The following RBMS1 variants were observed in gnomAD, a reference collection of about 807,000 sequenced individuals.
RBMS1 encodes the protein RNA binding motif single stranded interacting protein 1.
In RBMS1, 17 loss-of-function variants were observed where a neutral mutation model predicts 62.3. That is an observed-to-expected ratio of 0.27 (90% CI 0.19 to 0.41). RBMS1 has a LOEUF of 0.41. RBMS1 is among the 10% of genes least tolerant of loss of function. The probability of loss-of-function intolerance (pLI) is 1.00; values close to 1 mark genes in which losing one functional copy is unlikely to be tolerated. For synonymous variants in RBMS1, 172 were observed against 170.0 expected (o/e 1.01, Z -0.09); for missense variants, 334 against 504.5 (o/e 0.66, Z 3.24).
chr2:160,277,201 T>G (rs1272900602), intron 12 of RBMS1, 102 bp downstream of exon 12: 2 of 1,087,814 alleles, frequency 1.8e-6, no homozygotes, highest in Non-Finnish European at 2.8e-6. Context: ...CAATTCTTTA[T>G]GCAAATATTT....
chr2:160,392,539 T>C (rs1254053009), intron 1 of RBMS1, among the ~76,000 whole-genome samples: 1 of 152,168 alleles, frequency 6.6e-6, no homozygotes, highest in African/African-American at 2.4e-5. Flanking sequence ...CTTTATTGCT[T>C]GTTTCTCTCG....
intron 2 of RBMS1, among the ~76,000 whole-genome samples, chr2:160,323,604 T>C (rs1690705058): frequency 7.9e-6 from 1 of 126,272 alleles, no homozygotes; most frequent in Non-Finnish European, 1.6e-5. Context: ...ATGTAGAATT[T>C]CATGAAAGAA....
At chr2:160,428,877 C>T (rs28556715) in intron 1 of RBMS1, among the ~76,000 whole-genome samples, 32,977 of 152,028 alleles carry the variant, frequency 0.22, 3,918 homozygotes, top group African/African-American at 0.31. Flanking sequence ...TTTTGTATGG[C>T]GTAATGGTGA....
At chr2:160,493,013 C>G in intron 1 of RBMS1, 1 of 390,472 alleles carries the variant, frequency 2.6e-6, no homozygotes, top group Admixed American at 4.7e-5. Context: ...ACGACCCTCC[C>G]CGCTGGCCGG....
chr2:160,377,539 T>TAA (rs1253465604), intron 1 of RBMS1, among the ~76,000 whole-genome samples: 1 of 152,200 alleles, frequency 6.6e-6, no homozygotes, highest in Non-Finnish European at 1.5e-5. Flanking sequence ...CTTCCAGCTT[T>TAA]AAGGAGGAGC....
intron 1 of RBMS1, among the ~76,000 whole-genome samples, chr2:160,474,358 G>A (rs774099815): frequency 1.2e-4 from 18 of 152,276 alleles, no homozygotes; most frequent in Admixed American, 2.6e-4. Context: ...ATGAACAAGC[G>A]TACAATAGCT....
chr2:160,333,762 A>G (rs1691414193), intron 2 of RBMS1, among the ~76,000 whole-genome samples: 1 of 152,158 alleles, frequency 6.6e-6, no homozygotes, highest in African/African-American at 2.4e-5. Flanking sequence ...TGAAAAATCA[A>G]ATTTCCTTCT....
At position 160,451,166 on chromosome 2, in the gene RBMS1, A is replaced by AAAAAAAT. The variant is rs985879438; in HGVS notation, c.75+42122_75+42123insATTTTTT. Among the ~76,000 whole-genome samples, 28 of 150,488 alleles carry AAAAAAAT rather than the reference A, an allele frequency of 1.9e-4. 1 individual carries two copies. Among genetic ancestry groups the AAAAAAAT allele is most frequent in the South Asian group, 1.1e-3 (5 of 4,728 alleles). On this transcript the variant is annotated intron_variant, in intron 1 of 13. Transcript: ENST00000348849. ...AGCAAGACCATGCTTCAGAAAAAAA[A>AAAAAAAT]AAATAAATAAATAAAAACTAGAGAA...
chr2:160,466,682 TAC>T (rs1159980704), intron 1 of RBMS1, among the ~76,000 whole-genome samples: 1 of 152,214 alleles, frequency 6.6e-6, no homozygotes, highest in Non-Finnish European at 1.5e-5. Context: ...TTGACTTCTT[TAC>T]AGTTTTGATC....
intron 1 of RBMS1, among the ~76,000 whole-genome samples, chr2:160,478,765 G>A (rs1341958478): frequency 2.0e-5 from 3 of 152,180 alleles, no homozygotes; most frequent in African/African-American, 4.8e-5. Flanking sequence ...ACAGCACGAG[G>A]GAAAAGCTGT....
chr2:160,365,438 A>G (rs13004443), intron 2 of RBMS1, among the ~76,000 whole-genome samples: 2 of 152,250 alleles, frequency 1.3e-5, no homozygotes, highest in African/African-American at 2.4e-5. Context: ...AAATCCATAC[A>G]TGTCAAAGAG....
At chr2:160,407,404 G>GGCC (rs1695795725) in intron 1 of RBMS1, 1 of 985,740 alleles carries the variant, frequency 1.0e-6, no homozygotes, top group Admixed American at 6.1e-5. Context: ...CCCTGAGCGC[G>GGCC]GCCCCCTTTG....
chr2:160,465,459 T>G (rs1684648732), intron 1 of RBMS1, among the ~76,000 whole-genome samples: 1 of 152,208 alleles, frequency 6.6e-6, no homozygotes, highest in African/African-American at 2.4e-5. Context: ...AAGCACCGCT[T>G]TTTTGGTCAT....
At position 160,311,391 on chromosome 2, in the gene RBMS1, C is replaced by A. The variant is rs79416526; in HGVS notation, c.402+1765G>T. On this transcript the variant is annotated intron_variant, in intron 4 of 13. Coordinates refer to ENST00000348849, the MANE Select transcript of RBMS1 (RefSeq NM_016836.4). Reference sequence around the variant, plus strand: ...GATTCCTCTTACTAATTACTGAAATCTTTATGTTGATTCTTTCATTCAAAG... The same window carrying A: ...GATTCCTCTTACTAATTACTGAAATATTTATGTTGATTCTTTCATTCAAAG... Among the ~76,000 whole-genome samples, 859 of 151,750 alleles carry A rather than the reference C, an allele frequency of 5.7e-3. 10 individuals are homozygous for A. Among genetic ancestry groups the A allele is most frequent in the African/African-American group, 0.02 (818 of 41,392 alleles).
intron 1 of RBMS1, among the ~76,000 whole-genome samples, chr2:160,453,501 A>G (rs1266592022): frequency 6.6e-6 from 1 of 152,210 alleles, no homozygotes; most frequent in Non-Finnish European, 1.5e-5. Context: ...AATTTAAAAA[A>G]AGAATTTTAA....
chr2:160,298,600 G>C (rs964500402), intron 6 of RBMS1, among the ~76,000 whole-genome samples: 1 of 152,060 alleles, frequency 6.6e-6, no homozygotes, highest in African/African-American at 2.4e-5. Flanking sequence ...AGTAGTCAAG[G>C]GAGGACGCAC....
chr2:160,329,769 G>C (rs1009129063), intron 2 of RBMS1, among the ~76,000 whole-genome samples: 4 of 151,522 alleles, frequency 2.6e-5, no homozygotes, highest in African/African-American at 7.3e-5. Context: ...TGGAGATCAG[G>C]GCTAAAAGTG....
chr2:160,490,680 T>C (rs1020231251), intron 1 of RBMS1, among the ~76,000 whole-genome samples: 7 of 152,288 alleles, frequency 4.6e-5, no homozygotes, highest in Non-Finnish European at 8.8e-5. Context: ...TATATAACTT[T>C]TAAAAGTATG....
At chr2:160,297,391 C>A (rs902411439) in intron 6 of RBMS1, among the ~76,000 whole-genome samples, 1 of 152,184 alleles carries the variant, frequency 6.6e-6, no homozygotes, top group Non-Finnish European at 1.5e-5. Flanking sequence ...CACATGGTAG[C>A]TTGTTAAGAA....
Sources: allele counts gnomAD v4.1 joint callset (sites outside exome capture counted in the v4.1 genomes callset), GRCh38; gene constraint gnomAD v4.1.1; transcripts MANE v1.5; gene names NCBI Gene and HGNC (gene_info 2026-07-23, HGNC 2026-07-21).